The following VILL variants were observed in gnomAD, a reference collection of about 807,000 sequenced individuals.
VILL encodes the protein villin like, also known as villin-like protein.
VILL carries 102 observed loss-of-function variants against 106.3 expected under a neutral mutation model. That is an observed-to-expected ratio of 0.96 (90% confidence interval 0.82 to 1.13). The LOEUF (loss-of-function observed/expected upper bound fraction) is 1.13, where lower values mean the gene tolerates loss of function less well. VILL is among the 50% of genes most tolerant of loss of function. The probability of loss-of-function intolerance (pLI) is 0.00; values close to 1 mark genes in which losing one functional copy is unlikely to be tolerated. For missense variants in VILL, 1,076 were observed against 1,116.6 expected (o/e 0.96, Z 0.52); for synonymous variants, 431 against 440.3 (o/e 0.98, Z 0.27).
chr3:37,995,750 G>T lies in VILL; in HGVS notation c.353G>T (p.Gly118Val). ...TATTCCCACCTCAGCTACAGGAAGG[G>T]AGGCCTAGCATCTGACCTCAAGCAT... Reference protein sequence around the residue: ...YFRPGIIYRKGGLASDLKHVE... With the variant: ...YFRPGIIYRKVGLASDLKHVE... Residue 118 changes from glycine (G) to valine (V), a missense_variant, in exon 5 of 20, where the codon GGA (glycine) becomes GTA (valine). Physicochemically the swap from Gly to Val is moderately radical, Grantham distance 109. Coordinates refer to ENST00000383759, the MANE Select transcript of VILL (RefSeq NM_015873.4). 6.2e-7 allele frequency: 1 copy of T among 1,613,718 alleles called. No individual in the cohort carries two copies. The highest frequency in any genetic ancestry group is 8.5e-7 in the Non-Finnish European group (1 of 1,179,722).
In VILL at chr3:37,994,485, G is replaced by C. The variant is rs1699667281; in HGVS notation, c.341+19G>C. On this transcript the variant is annotated intron_variant, in intron 4 of 19. Transcript: ENST00000383759. ...GAATCATGTGAGTGCGGGGGCGACC[G>C]GGGCAGGAGGGAGCCGTGGAGGCGG... 12 of 1,605,028 alleles carry C rather than the reference G, an allele frequency of 7.5e-6. No individual in the cohort carries two copies. The highest frequency in any genetic ancestry group is 1.3e-5 in the African/African-American group (1 of 74,480).
chr3:38,005,706 G>C (rs1423846812), intron 16 of VILL, 86 bp from the exon 17 acceptor site: 24 of 1,450,414 alleles, frequency 1.7e-5, no homozygotes, highest in Non-Finnish European at 2.1e-5. Flanking sequence ...TTCTGTCTGG[G>C]ACAACTGGAC....
chr3:38,005,839 G>A lies in VILL; in HGVS notation c.1998G>A (p.Val666=). The change falls in exon 17 of 20, where the codon GTG becomes GTA. Residue 666 remains valine (V), a synonymous_variant. Transcript: ENST00000383759. ...CTGCAAGTGAGTGGAAGGAGGCGGT[G>A]GCCTGGGGCCAGGAGTACCTGAAGA... ...GEAASEWKEA[V]AWGQEYLKTH... The A allele has an allele frequency of 6.2e-7, 1 of 1,613,908 alleles. No homozygotes were observed. Among genetic ancestry groups the A allele is most frequent in the Non-Finnish European group, 8.5e-7 (1 of 1,179,912 alleles).
Position 38,002,402 on chromosome 3 carries a change from G to A in VILL, c.1486G>A (p.Ala496Thr). ...QGQLVIFQER[A>T]GHHGKGQSAS... ...AGGCCTTGCTCTCCTATAGGAGAGA[G>A]CTGGGCACCATGGAAAGGGGCAGTC... is the stretch of plus-strand genomic sequence containing the variant. Residue 496 changes from alanine (A) to threonine (T), a missense_variant, in exon 14 of 20, where the codon GCT becomes ACT. Ala to Thr is a moderately conservative substitution (Grantham distance 58, BLOSUM62 0). Transcript: ENST00000383759. The A allele has an allele frequency of 6.2e-7, 1 of 1,611,608 alleles. No homozygotes were observed. The highest frequency in any genetic ancestry group is 8.5e-7 in the Non-Finnish European group (1 of 1,178,596).
chr3:37,995,806 C>T lies in VILL; in HGVS notation c.409C>T (p.Leu137=). Residue 137 remains leucine, a synonymous_variant, in exon 5 of 20, where the codon CTG becomes TTG. Transcript: ENST00000383759. ...VETNLFNIQR[L]LHIKGRKHVS... ...GACCAACTTGTTCAACATCCAGCGA[C>T]TGCTGCACATCAAAGGGAGGAAGCA... 1.9e-6 allele frequency: 3 copies of T among 1,613,988 alleles called. No individual in the cohort carries two copies. The highest frequency in any genetic ancestry group is 2.5e-6 in the Non-Finnish European group (3 of 1,179,892).
chr3:38,004,548 A>C, intron 16 of VILL, 149 bp downstream of exon 16: 1 of 1,040,780 alleles, frequency 9.6e-7, no homozygotes, highest in Non-Finnish European at 1.4e-6. Context: ...ATTGCGGTGC[A>C]TATGAGACCA....
In VILL at chr3:38,002,575, G is replaced by A. The variant is rs201921801; in HGVS notation, c.1659G>A (p.Lys553=). 4.3e-6 allele frequency: 7 copies of A among 1,612,298 alleles called. No homozygotes were observed. Among genetic ancestry groups the A allele is most frequent in the Non-Finnish European group, 5.9e-6 (7 of 1,178,944 alleles). ...TASVCYLWFG[K]GCNGDQREMA... ...GCGTCTGCTACCTCTGGTTTGGGAA[G>A]GTACCCACAGCACTGACCACTTGAT... The change falls in exon 14 of 20, where the codon AAG becomes AAA. Residue 553 remains lysine, a splice_region_variant and synonymous_variant. Coordinates refer to ENST00000383759, the MANE Select transcript of VILL (RefSeq NM_015873.4).
chr3:38,002,350 C>T (rs751473039), intron 13 of VILL, 46 bp from the exon 14 acceptor site: 21 of 1,538,158 alleles, frequency 1.4e-5, no homozygotes, highest in East Asian at 6.8e-5. Context: ...GACAGGAAGG[C>T]GCCCCTGGGA....
In VILL at chr3:37,998,371, C is replaced by T. The variant is rs767752036; in HGVS notation, c.942+7C>T. The T allele has an allele frequency of 6.2e-7, 1 of 1,613,892 alleles. No individual in the cohort carries two copies. The highest frequency in any genetic ancestry group is 1.7e-5 in the Admixed American group (1 of 60,020). On this transcript the variant is annotated splice_region_variant and intron_variant, in intron 9 of 19. Transcript: ENST00000383759. The surrounding 1 kb of genome is among the most constrained non-coding windows in gnomAD (Gnocchi z 4.1). ...TGCCTTCAGCCGGGCTGTGGTGAGC[C>T]CTGGGGCTCTGTCTGAGAGGAACAG...
intron 1 of VILL, 67 bp from the exon 2 acceptor site, chr3:37,993,520 T>C: frequency 1.5e-6 from 1 of 670,566 alleles, no homozygotes; most frequent in South Asian, 1.9e-5. Context: ...TGAGTCTTCA[T>C]AGTCTGTGTG....
chr3:37,993,381 TGC>T, intron 1 of VILL: 5 of 429,270 alleles, frequency 1.2e-5, no homozygotes, highest in Middle Eastern at 6.4e-4. Context: ...GTTCGAATCA[TGC>T]ACTGCAGGCT....
At chr3:37,991,639 G>A (rs950355103) in intron 1 of VILL, among the ~76,000 whole-genome samples, 1 of 152,008 alleles carries the variant, frequency 6.6e-6, no homozygotes. Context: ...GAAGAGAAAG[G>A]GGCCCTGAGT....
chr3:38,003,629 G>A (rs1168618620), intron 15 of VILL: 1 of 371,302 alleles, frequency 2.7e-6, no homozygotes, highest in Non-Finnish European at 5.1e-6. Flanking sequence ...CAGGGATCAC[G>A]GTGCCCAGTG....
At chr3:37,995,528 T>C (rs1699684895) in intron 4 of VILL, among the ~76,000 whole-genome samples, 1 of 152,272 alleles carries the variant, frequency 6.6e-6, no homozygotes, top group African/African-American at 2.4e-5. Flanking sequence ...TGACTACGCA[T>C]GGAAGTGCAC....
Position 37,998,932 on chromosome 3 carries a change from C to A in VILL, c.963C>A (p.Gly321=). Residue 321 remains glycine (G), a synonymous_variant, in exon 10 of 20, where the codon GGC becomes GGA. Transcript: ENST00000383759. The surrounding 1 kb of genome is among the most constrained non-coding windows in gnomAD (Gnocchi z 4.1). The part of the protein sequence containing the change: ...SRAVGFIQAK[G]YPTYTNVEVV... ...CCCAGGGCTTCATCCAGGCCAAGGGCTACCCGACCTACACCAACGTGGAGG... is the reference window on the plus strand; with the variant it reads ...CCCAGGGCTTCATCCAGGCCAAGGGATACCCGACCTACACCAACGTGGAGG... 6.2e-7 allele frequency: 1 copy of A among 1,608,234 alleles called. No individual in the cohort carries two copies.
intron 4 of VILL, among the ~76,000 whole-genome samples, chr3:37,994,787 T>C (rs1055183117): frequency 2.6e-5 from 4 of 152,168 alleles, no homozygotes; most frequent in African/African-American, 9.7e-5. Context: ...AGGCAACCAC[T>C]CATCTGCTTT....
chr3:38,006,545 A>AATG lies in VILL; in HGVS notation c.2305_2307dup (p.Asp769dup). ...CAAGGGCTCCCAGGACAGCTCAGAGAATGATCTGGTGCGAAGCCCCAAGTC... is the reference window on the plus strand; with the variant it reads ...CAAGGGCTCCCAGGACAGCTCAGAGAATGATGATCTGGTGCGAAGCCCCAAGTC... On this transcript the variant is annotated inframe_insertion, in exon 19 of 20. Coordinates refer to ENST00000383759, the MANE Select transcript of VILL (RefSeq NM_015873.4). 1 of 1,614,154 alleles carries AATG rather than the reference A, an allele frequency of 6.2e-7. No individual in the cohort carries two copies. The highest frequency in any genetic ancestry group is 1.3e-5 in the African/African-American group (1 of 75,066).
upstream of VILL, among the ~76,000 whole-genome samples, chr3:37,989,734 G>C (rs557306477): frequency 3.4e-4 from 51 of 152,164 alleles, no homozygotes; most frequent in Non-Finnish European, 7.3e-5. Context: ...CAGGGTCCCT[G>C]TCCCAAGTGG....
chr3:38,001,583 A>AC lies in VILL; in HGVS notation c.1312dup (p.Leu438ProfsTer11). The AC allele has an allele frequency of 6.2e-7, 1 of 1,614,090 alleles. No individual in the cohort carries two copies. Reference sequence around the variant, plus strand: ...CTGGGCCGTGTCCAGTACATCCTGTACCTATGGCAGGTGTGCCAGCCTGAG... The same window carrying AC: ...CTGGGCCGTGTCCAGTACATCCTGTACCCTATGGCAGGTGTGCCAGCCTGAG... On this transcript the variant is annotated frameshift_variant, in exon 12 of 20. Transcript: ENST00000383759. LOFTEE classifies it high-confidence loss of function.
Sources: allele counts gnomAD v4.1 joint callset (sites outside exome capture counted in the v4.1 genomes callset), GRCh38; gene constraint gnomAD v4.1.1; non-coding constraint Gnocchi (gnomAD v3.1); transcripts MANE v1.5; gene names NCBI Gene and HGNC (gene_info 2026-07-23, HGNC 2026-07-21).